F13B: variants seen among roughly 807,000 people sequenced by gnomAD.
F13B encodes coagulation factor XIII B chain.
Under a neutral mutation model 79.8 loss-of-function variants are expected in F13B, and 58 were observed. That is an observed-to-expected ratio of 0.73 (90% CI 0.59 to 0.90). The LOEUF (loss-of-function observed/expected upper bound fraction) is 0.90, where lower values mean the gene tolerates loss of function less well. F13B is among the 40% of genes least tolerant of loss of function. The pLI is 0.00. For missense variants in F13B, 773 were observed against 777.0 expected, an observed-to-expected ratio of 0.99 and a Z score of 0.06; for synonymous variants, 283 against 260.3, an observed-to-expected ratio of 1.09 and a Z score of -0.84.
chr1:197,052,917 A>G, intron 8 of F13B, 83 bp from the exon 9 acceptor site: 3 of 1,020,828 alleles, frequency 2.9e-6, no homozygotes, highest in Non-Finnish European at 4.5e-6. Context: ...AATTATGACA[A>G]GTTTCAAAAG....
chr1:197,055,657 CT>C, intron 8 of F13B, 57 bp downstream of exon 8: 1 of 1,536,700 alleles, frequency 6.5e-7, no homozygotes, highest in Non-Finnish European at 9.0e-7. Flanking sequence ...ATATAAAACA[CT>C]GTAAGAAAAT....
intron 1 of F13B, among the ~76,000 whole-genome samples, chr1:197,064,752 A>T (rs537655524): frequency 2.0e-5 from 3 of 152,148 alleles, no homozygotes; most frequent in South Asian, 2.1e-4. Context: ...CATATATTTT[A>T]AAAATATATC....
chr1:197,050,849 A>G lies in F13B; in HGVS notation c.1586T>C (p.Leu529Pro), dbSNP rs17549671. 2,257 of 1,613,222 alleles carry G rather than the reference A, an allele frequency of 1.4e-3. 14 individuals carry two copies. In the African/African-American group the frequency reaches 0.023, roughly 16 times the overall value. The change falls in exon 10 of 12, where the codon CTT (leucine) becomes CCT (proline). Residue 529 changes from leucine (L) to proline (P), a missense_variant. Physicochemically the swap from Leu to Pro is moderately conservative, Grantham distance 98. Coordinates refer to ENST00000367412, the MANE Select transcript of F13B (RefSeq NM_001994.3). The stretch of plus-strand genomic sequence containing the variant: ...ACTAATAATGACTCCATGTTTAATA[A>G]GAGGAGGAGATGTGCACATTCCTTT... ...ESKGMCTSPP[L>P]IKHGVIISST...
chr1:197,061,879 G>A lies in F13B; in HGVS notation c.356C>T (p.Ala119Val), dbSNP rs767986906. The change falls in exon 3 of 12, where the codon GCT becomes GTT. Residue 119 changes from alanine (A) to valine (V), a missense_variant. Ala to Val is a moderately conservative substitution (Grantham distance 64). Transcript: ENST00000367412. ...CCCTCCAGTGGTTTTGTACCCTGAA[G>A]CGCAACCATAACGCATGTTCTCTTG... ...KIQENMRYGCASGYKTTGGKD... is the reference protein window; with the variant it reads ...KIQENMRYGCVSGYKTTGGKD... 8.1e-6 allele frequency: 13 copies of A among 1,613,258 alleles called. 1 individual carries two copies. The Admixed American group carries it at 2.2e-4, about 27-fold the overall frequency.
intron 1 of F13B, among the ~76,000 whole-genome samples, chr1:197,064,779 T>C (rs762253698): frequency 3.4e-4 from 52 of 152,162 alleles, no homozygotes; most frequent in Non-Finnish European, 6.2e-4. Flanking sequence ...TTGAAGATCT[T>C]AAAGTCATAA....
At chr1:197,065,271 T>A (rs1656006297) in intron 1 of F13B, among the ~76,000 whole-genome samples, 1 of 152,098 alleles carries the variant, frequency 6.6e-6, no homozygotes, top group Admixed American at 6.6e-5. Context: ...GACATCTCCC[T>A]CCACCACCAG....
At chr1:197,042,697 G>A in intron 10 of F13B, among the ~76,000 whole-genome samples, 1 of 126,556 alleles carries the variant, frequency 7.9e-6, no homozygotes, top group Non-Finnish European at 1.7e-5. Context: ...GCATGCACCT[G>A]TAATCCCAGC....
chr1:197,050,924 A>G, intron 9 of F13B, 45 bp from the exon 10 acceptor site: 2 of 1,478,198 alleles, frequency 1.4e-6, no homozygotes, highest in Non-Finnish European at 1.9e-6. Flanking sequence ...GCTATAATGA[A>G]CATCCAGTAC....
chr1:197,044,355 A>T (rs1026454325), intron 10 of F13B, among the ~76,000 whole-genome samples: 1 of 152,122 alleles, frequency 6.6e-6, no homozygotes, highest in African/African-American at 2.4e-5. Flanking sequence ...AGGGGTTACA[A>T]TCCTAGTCTC....
chr1:197,060,768 C>A, intron 4 of F13B, 131 bp downstream of exon 4: 1 of 872,636 alleles, frequency 1.1e-6, no homozygotes, highest in Admixed American at 2.1e-5. Flanking sequence ...AGACTGCTAT[C>A]AACATAATTA....
chr1:197,041,867 A>G (rs1156503757), intron 10 of F13B, among the ~76,000 whole-genome samples: 1 of 152,094 alleles, frequency 6.6e-6, no homozygotes, highest in Non-Finnish European at 1.5e-5. Context: ...CAGAAGACTC[A>G]TTGTTACCAT....
chr1:197,044,813 A>G (rs1655169950), intron 10 of F13B, among the ~76,000 whole-genome samples: 1 of 152,194 alleles, frequency 6.6e-6, no homozygotes, highest in Non-Finnish European at 1.5e-5. Flanking sequence ...ACTGTCTCTC[A>G]GACCACAGTG....
At chr1:197,063,595 C>T (rs944221905) in intron 1 of F13B, among the ~76,000 whole-genome samples, 2 of 152,116 alleles carry the variant, frequency 1.3e-5, no homozygotes, top group Admixed American at 6.6e-5. Context: ...ACTAGGATTA[C>T]AAGACTTGAA....
chr1:197,040,482 C>CA, intron 11 of F13B, 40 bp downstream of exon 11: 1 of 1,436,420 alleles, frequency 7.0e-7, no homozygotes, highest in South Asian at 1.2e-5. Flanking sequence ...AACAATCTGA[C>CA]CAAAAAAAAT....
rs750551312 is a variant in F13B, at chr1:197,040,592, T to A, written c.1882A>T (p.Thr628Ser). ...GDTYPAELYITGSILRMQCDR... is the reference protein window; with the variant it reads ...GDTYPAELYISGSILRMQCDR... Reference sequence around the variant, plus strand: ...CATTGCATTCTAAGTATAGATCCAGTAATATATAATTCAGCTGGATAAGTA... The same window carrying A: ...CATTGCATTCTAAGTATAGATCCAGAAATATATAATTCAGCTGGATAAGTA... Residue 628 changes from threonine to serine, a missense_variant, in exon 11 of 12, where the codon ACT becomes TCT. Physicochemically the swap from Thr to Ser is moderately conservative, Grantham distance 58. Coordinates refer to ENST00000367412, the MANE Select transcript of F13B (RefSeq NM_001994.3). 1.2e-6 allele frequency: 2 copies of A among 1,612,248 alleles called. No individual in the cohort carries two copies.
chr1:197,056,831 A>G (rs1369966745), intron 7 of F13B, among the ~76,000 whole-genome samples, 182 bp downstream of exon 7: 1 of 152,206 alleles, frequency 6.6e-6, no homozygotes, highest in Non-Finnish European at 1.5e-5. Context: ...AATTCTACAG[A>G]TAGCTACACA....
chr1:197,053,747 T>A (rs772541074), intron 8 of F13B, among the ~76,000 whole-genome samples: 1 of 151,936 alleles, frequency 6.6e-6, no homozygotes, highest in Non-Finnish European at 1.5e-5. Flanking sequence ...TTCAGTAAGG[T>A]GATTAGGGTA....
In F13B at chr1:197,060,375, C is replaced by G. The variant is rs533222920; in HGVS notation, c.796G>C (p.Val266Leu). 137 of 1,611,364 alleles carry G rather than the reference C, an allele frequency of 8.5e-5. 1 individual carries two copies. In the East Asian group the frequency reaches 2.7e-3, roughly 32 times the overall value. ...AAATTTAAAAATTTACCTTCGCATA[C>G]AGGAGATTCTGGGTACCAACCAAAG... ...YNFGWYPESP[V>L]CEGRRNRCPP... is the part of the protein sequence containing the mutation. The change falls in exon 5 of 12, where the codon GTA becomes CTA. Residue 266 changes from valine to leucine, a missense_variant. Coordinates refer to ENST00000367412, the MANE Select transcript of F13B (RefSeq NM_001994.3).
chr1:197,053,293 G>A (rs1356613723), intron 8 of F13B, among the ~76,000 whole-genome samples: 1 of 152,066 alleles, frequency 6.6e-6, no homozygotes, highest in Non-Finnish European at 1.5e-5. Context: ...TTGGCTGTGT[G>A]CCTACCCAAA....
Sources: allele counts gnomAD v4.1 joint callset (sites outside exome capture counted in the v4.1 genomes callset), GRCh38; gene constraint gnomAD v4.1.1; transcripts MANE v1.5; gene names NCBI Gene and HGNC (gene_info 2026-07-23, HGNC 2026-07-21).